EPRS1: variants seen among roughly 807,000 people sequenced by gnomAD.
EPRS1 encodes the protein glutamyl-prolyl-tRNA synthetase 1.
A neutral mutation model predicts 188.3 loss-of-function variants in EPRS1; 107 were observed. The ratio of observed to expected loss-of-function variants is 0.57; its 90% CI spans 0.49 to 0.67. EPRS1 has a LOEUF of 0.67. Among genes scored for constraint, EPRS1 ranks in the 30% least tolerant of loss-of-function variants. The pLI is 0.00. For missense variants in EPRS1, 1,577 were observed against 1,802.2 expected, an observed-to-expected ratio of 0.88 and a Z score of 2.26; for synonymous variants, 596 against 593.1, an observed-to-expected ratio of 1.00 and a Z score of -0.07.
chr1:219,997,275 G>A lies in EPRS1; in HGVS notation c.2249C>T (p.Ser750Phe). Reference sequence around the variant, plus strand: ...AGCCACTCTATTGTAAAGGACCAAGGAATCCTCAGATGTAGTACAATTATT... The same window carrying A: ...AGCCACTCTATTGTAAAGGACCAAGAAATCCTCAGATGTAGTACAATTATT... ...LNNNCTTSED[S>F]LVLYNRVAVQ... The change falls in exon 18 of 32, where the codon TCC becomes TTC. Residue 750 changes from serine to phenylalanine, a missense_variant. By Grantham distance (155) the Ser-to-Phe change is radical (BLOSUM62 -2). Around this residue, in one of 3 missense-constraint regions of EPRS1, gnomAD observed 1,278 missense variants for 1,457.4 expected, o/e 0.88. Coordinates refer to ENST00000366923, the MANE Select transcript of EPRS1 (RefSeq NM_004446.3). 1 of 1,613,694 alleles carries A rather than the reference G, an allele frequency of 6.2e-7. No individual in the cohort carries two copies. The highest frequency in any genetic ancestry group is 1.1e-5 in the South Asian group (1 of 91,054).
intron 23 of EPRS1, 143 bp downstream of exon 23, chr1:219,982,629 C>A: frequency 1.6e-6 from 1 of 629,390 alleles, no homozygotes. Context: ...CTTAAGTTTG[C>A]ATTCAATCTT....
At chr1:220,000,622 T>G (rs1571673121) in intron 17 of EPRS1, among the ~76,000 whole-genome samples, 1 of 152,238 alleles carries the variant, frequency 6.6e-6, no homozygotes, top group African/African-American at 2.4e-5. Flanking sequence ...CTTTTAAAAC[T>G]TCTCAATTTT....
At chr1:220,033,689 A>C (rs1315906616) in intron 3 of EPRS1, 31 bp from the exon 4 acceptor site, 7 of 1,518,614 alleles carry the variant, frequency 4.6e-6, no homozygotes, top group Non-Finnish European at 6.3e-6. Flanking sequence ...AAAGAAATGC[A>C]TTCCAACATT....
intron 17 of EPRS1, among the ~76,000 whole-genome samples, chr1:219,999,240 A>G (rs540011887): frequency 1.3e-5 from 2 of 152,290 alleles, no homozygotes; most frequent in South Asian, 4.1e-4. Flanking sequence ...ATTATCCTTC[A>G]GGTTTAAAGC....
chr1:219,986,024 T>C (rs1369689816), intron 20 of EPRS1, among the ~76,000 whole-genome samples: 1 of 152,230 alleles, frequency 6.6e-6, no homozygotes, highest in Non-Finnish European at 1.5e-5. Flanking sequence ...CTGCTATAAC[T>C]CTGGTTATTC....
intron 17 of EPRS1, among the ~76,000 whole-genome samples, chr1:219,999,362 G>T (rs982790275): frequency 1.3e-5 from 2 of 152,022 alleles, no homozygotes; most frequent in African/African-American, 2.4e-5. Context: ...CAAATTTTTT[G>T]ACTTTCCTCC....
chr1:220,046,207 A>G, intron 1 of EPRS1, 136 bp downstream of exon 1: 1 of 1,049,814 alleles, frequency 9.5e-7, no homozygotes, highest in Non-Finnish European at 1.4e-6. Context: ...TCCACGTACA[A>G]TTCTGGGGCG....
At chr1:219,992,858 C>T (rs982285270) in intron 18 of EPRS1, among the ~76,000 whole-genome samples, 1 of 151,974 alleles carries the variant, frequency 6.6e-6, no homozygotes, top group Non-Finnish European at 1.5e-5. Flanking sequence ...ACCCAGGAGG[C>T]GGAGGCGCCA....
Position 219,989,047 on chromosome 1 carries a change from A to T in EPRS1, c.2542-224T>A, listed in dbSNP as rs562326185. 1.4e-4 allele frequency among the ~76,000 whole-genome samples: 22 copies of T among 152,338 alleles called. No individual in the cohort carries two copies. In the South Asian group the frequency reaches 4.3e-3, roughly 30 times the overall value. On this transcript the variant is annotated intron_variant, in intron 18 of 31. Coordinates refer to ENST00000366923, the MANE Select transcript of EPRS1 (RefSeq NM_004446.3). The stretch of plus-strand genomic sequence containing the variant: ...ATACAATTCAACATACAACAGTGTA[A>T]CTTTCTATTTTACTTAAGTAAACAG...
chr1:220,027,864 A>G (rs116769901), intron 6 of EPRS1, among the ~76,000 whole-genome samples: 1 of 151,678 alleles, frequency 6.6e-6, no homozygotes, highest in East Asian at 1.9e-4. Flanking sequence ...AAAATTTTTT[A>G]AAAAAAGGGC....
chr1:219,998,159 A>G (rs909500011), intron 17 of EPRS1, among the ~76,000 whole-genome samples: 2 of 152,090 alleles, frequency 1.3e-5, no homozygotes, highest in African/African-American at 4.8e-5. Flanking sequence ...CTGCCACTTA[A>G]TTTTTCAGAA....
intron 2 of EPRS1, among the ~76,000 whole-genome samples, chr1:220,038,730 T>C (rs1175622425): frequency 1.3e-5 from 2 of 152,070 alleles, no homozygotes; most frequent in African/African-American, 4.8e-5. Context: ...GATAATTCTT[T>C]TGAGCAAAGT....
At chr1:219,975,922 C>G (rs1360278267) in intron 28 of EPRS1, among the ~76,000 whole-genome samples, 3 of 152,158 alleles carry the variant, frequency 2.0e-5, no homozygotes, top group African/African-American at 7.2e-5. Context: ...AGTGATAGCT[C>G]AAAAGCAATG....
At chr1:219,975,522 C>T (rs185856980) in intron 28 of EPRS1, among the ~76,000 whole-genome samples, 124 of 152,186 alleles carry the variant, frequency 8.1e-4, no homozygotes, top group African/African-American at 2.8e-3. Context: ...CTGCAACCTC[C>T]GCCTCCCAGG....
chr1:219,991,671 C>A (rs1768672), intron 18 of EPRS1, among the ~76,000 whole-genome samples: 88,348 of 151,996 alleles, frequency 0.58, 26,977 homozygotes, highest in Non-Finnish European at 0.69. Context: ...AAGGAATAAC[C>A]GATTACTGAA....
intron 1 of EPRS1, 114 bp from the exon 2 acceptor site, chr1:220,040,383 G>T: frequency 1.5e-6 from 1 of 670,478 alleles, no homozygotes; most frequent in East Asian, 2.7e-5. Flanking sequence ...TACAAGGAGT[G>T]AACTTTTTTC....
rs751550607 is a variant in EPRS1 at position 219,984,250 on chromosome 1, G to T, written c.3046C>A (p.Leu1016Ile). The T allele has an allele frequency of 1.2e-6, 2 of 1,612,032 alleles. No homozygotes were observed. The highest frequency in any genetic ancestry group is 1.1e-5 in the South Asian group (1 of 91,012). ...QGPKKQTRLGLEAKKEENLAD... is the reference protein window; with the variant it reads ...QGPKKQTRLGIEAKKEENLAD... ...AGATTTTCTTCTTTTTTTGCCTCAAGACCCAACCTGCAGATGTGAAAAGTA... is the reference window on the plus strand; with the variant it reads ...AGATTTTCTTCTTTTTTTGCCTCAATACCCAACCTGCAGATGTGAAAAGTA... Residue 1016 changes from leucine to isoleucine, a missense_variant, in exon 21 of 32, where the codon CTT (leucine) becomes ATT (isoleucine). By Grantham distance (5) the Leu-to-Ile change is conservative. This residue lies in a region of EPRS1 where 1,278 missense variants were observed against 1,457.4 expected (regional missense o/e 0.88). Transcript: ENST00000366923.
chr1:220,034,243 C>A (rs1056354297), intron 3 of EPRS1, among the ~76,000 whole-genome samples: 3 of 152,106 alleles, frequency 2.0e-5, no homozygotes, highest in African/African-American at 7.2e-5. Flanking sequence ...TACACAAATA[C>A]GTATTGTGTT....
chr1:219,992,687 G>A (rs1278114430), intron 18 of EPRS1, among the ~76,000 whole-genome samples: 1 of 152,220 alleles, frequency 6.6e-6, no homozygotes, highest in African/African-American at 2.4e-5. Flanking sequence ...AGCACTTTGG[G>A]AGGCCGAGGC....
Sources: allele counts gnomAD v4.1 joint callset (sites outside exome capture counted in the v4.1 genomes callset), GRCh38; gene constraint gnomAD v4.1.1; regional missense constraint gnomAD v4.1.1; transcripts MANE v1.5; gene names NCBI Gene and HGNC (gene_info 2026-07-23, HGNC 2026-07-21).